The following DAB1 variants were observed in gnomAD, a reference collection of about 807,000 sequenced individuals.
DAB1 encodes disabled homolog 1.
DAB1 carries 15 observed loss-of-function variants against 64.6 expected under a neutral mutation model. That is an observed-to-expected ratio of 0.23 (90% CI 0.16 to 0.36). The LOEUF is 0.36. Among genes scored for constraint, DAB1 ranks in the 10% least tolerant of loss-of-function variants. The pLI is 1.00. For missense variants in DAB1, 596 were observed against 706.7 expected (o/e 0.84, Z 1.78); for synonymous variants, 235 against 251.9 (o/e 0.93, Z 0.64).
At chr1:57,712,638 A>G (rs887865489) in intron 6 of DAB1, among the ~76,000 whole-genome samples, 3 of 152,236 alleles carry the variant, frequency 2.0e-5, no homozygotes, top group African/African-American at 4.8e-5. Context: ...AGCTATATAT[A>G]TAGTACATGG....
rs147818076 is a variant in DAB1 at position 57,157,749 on chromosome 1, T to C, written c.68-12320A>G. Among the ~76,000 whole-genome samples the C allele has an allele frequency of 7.1e-4, 108 of 152,254 alleles. 1 individual carries two copies. The highest frequency in any genetic ancestry group is 2.5e-3 in the African/African-American group (104 of 41,554). On this transcript the variant is annotated intron_variant, in intron 2 of 14. Coordinates refer to ENST00000371236, the MANE Select transcript of DAB1 (RefSeq NM_001365792.1). The stretch of plus-strand genomic sequence containing the variant: ...GAGTTAGGGCTTCAACATATTAATA[T>C]TGGGGAGACACAAACATACGATCCA...
At chr1:57,729,899 AT>A (rs1271862484) in intron 6 of DAB1, among the ~76,000 whole-genome samples, 144 of 120,666 alleles carry the variant, frequency 1.2e-3, no homozygotes, top group Middle Eastern at 8.3e-3. Context: ...CATCTCTAAA[AT>A]AAAATAAAAT....
chr1:57,138,431 C>T (rs1230986739), intron 3 of DAB1, among the ~76,000 whole-genome samples: 1 of 152,028 alleles, frequency 6.6e-6, no homozygotes. Context: ...TTCTAGGGAG[C>T]CTAAGTCTCT....
chr1:58,006,844 A>G (rs1453712664), intron 5 of DAB1, among the ~76,000 whole-genome samples: 1 of 152,212 alleles, frequency 6.6e-6, no homozygotes, highest in East Asian at 1.9e-4. Flanking sequence ...GGAACAGTGA[A>G]TAGTTGCTCT....
At chr1:57,054,467 GTGC>G (rs1159890442) in intron 9 of DAB1, among the ~76,000 whole-genome samples, 145 of 135,312 alleles carry the variant, frequency 1.1e-3, no homozygotes, top group African/African-American at 3.7e-3. Flanking sequence ...ACTCAGGAAT[GTGC>G]TTTTTTTTTT....
At chr1:57,024,834 A>C (rs1646734707) in intron 10 of DAB1, among the ~76,000 whole-genome samples, 1 of 152,212 alleles carries the variant, frequency 6.6e-6, no homozygotes, top group South Asian at 2.1e-4. Flanking sequence ...CTTTTAGCCC[A>C]GGATAAAGGG....
At chr1:58,106,849 CCCTCCCTCCCTCCCTCCTT>C (rs1304966075) in intron 5 of DAB1, among the ~76,000 whole-genome samples, 5 of 114,628 alleles carry the variant, frequency 4.4e-5, no homozygotes, top group African/African-American at 1.8e-4. Context: ...CTTCATCCCT[CCCTCCCTCCCTCCCTCCTT>C]CCTCCTTCCC....
At chr1:57,179,603 G>A (rs967528540) in intron 2 of DAB1, among the ~76,000 whole-genome samples, 2 of 152,128 alleles carry the variant, frequency 1.3e-5, no homozygotes, top group African/African-American at 4.8e-5. Flanking sequence ...AAAAGTGGCT[G>A]TATTCACTAT....
chr1:58,385,500 C>T (rs1414123704), intron 3 of DAB1, among the ~76,000 whole-genome samples: 1 of 152,188 alleles, frequency 6.6e-6, no homozygotes, highest in Non-Finnish European at 1.5e-5. Context: ...CACCACACTG[C>T]CAAGACCTCC....
chr1:57,703,778 A>G (rs181780197), intron 6 of DAB1, among the ~76,000 whole-genome samples: 1 of 147,134 alleles, frequency 6.8e-6, no homozygotes, highest in Non-Finnish European at 1.5e-5. Context: ...AAGACATAGA[A>G]TCAACCTAAA....
chr1:58,499,601 A>G (rs556759780), intron 3 of DAB1, among the ~76,000 whole-genome samples: 17 of 152,134 alleles, frequency 1.1e-4, no homozygotes, highest in Non-Finnish European at 1.6e-4. Context: ...TACTACAGTT[A>G]ATAAAAATGT....
chr1:57,450,358 T>G (rs1276577783), intron 7 of DAB1, among the ~76,000 whole-genome samples: 2 of 152,206 alleles, frequency 1.3e-5, no homozygotes, highest in East Asian at 3.8e-4. Context: ...GAGAAATAGC[T>G]TTCCAAATAA....
intron 4 of DAB1, among the ~76,000 whole-genome samples, chr1:57,077,422 A>T (rs1311866062): frequency 6.6e-6 from 1 of 152,196 alleles, no homozygotes; most frequent in Non-Finnish European, 1.5e-5. Context: ...GAAGTACAGG[A>T]TGAAGGAAAT....
At chr1:57,801,648 ATTTTTTTATT>A (rs952985587) in intron 6 of DAB1, among the ~76,000 whole-genome samples, 5 of 151,794 alleles carry the variant, frequency 3.3e-5, no homozygotes, top group African/African-American at 9.7e-5. Flanking sequence ...AGCCCAGGGA[ATTTTTTTATT>A]TTTTTTTATT....
At chr1:58,367,455 G>C (rs903196199) in intron 3 of DAB1, among the ~76,000 whole-genome samples, 1 of 152,124 alleles carries the variant, frequency 6.6e-6, no homozygotes, top group African/African-American at 2.4e-5. Context: ...TGACAGAGGA[G>C]TGCAGGCCAT....
chr1:57,702,904 G>T (rs1343144630), intron 6 of DAB1, among the ~76,000 whole-genome samples: 1 of 152,018 alleles, frequency 6.6e-6, no homozygotes, highest in Admixed American at 6.6e-5. Flanking sequence ...CAACTATCTG[G>T]TCTTCAAAAA....
chr1:58,015,831 A>G (rs1646730415), intron 5 of DAB1, among the ~76,000 whole-genome samples: 1 of 152,206 alleles, frequency 6.6e-6, no homozygotes, highest in Non-Finnish European at 1.5e-5. Context: ...AAGGGCATGC[A>G]TGAGCCTGAC....
intron 6 of DAB1, among the ~76,000 whole-genome samples, chr1:57,702,740 G>T (rs1187035509): frequency 6.6e-6 from 1 of 152,024 alleles, no homozygotes; most frequent in Non-Finnish European, 1.5e-5. Flanking sequence ...TTCTTAGTAA[G>T]TCTAGATTCC....
At chr1:58,213,109 C>A (rs1173309700) in intron 4 of DAB1, among the ~76,000 whole-genome samples, 1 of 152,116 alleles carries the variant, frequency 6.6e-6, no homozygotes, top group Non-Finnish European at 1.5e-5. Context: ...GAAGAATCTA[C>A]AGTAATCCGA....
Sources: allele counts gnomAD v4.1 joint callset (sites outside exome capture counted in the v4.1 genomes callset), GRCh38; gene constraint gnomAD v4.1.1; transcripts MANE v1.5; gene names NCBI Gene and HGNC (gene_info 2026-07-23, HGNC 2026-07-21).